The following ADGRF3 variants were observed in gnomAD, a reference collection of about 807,000 sequenced individuals.
ADGRF3 encodes G protein-coupled receptor 113.
In ADGRF3, 85 loss-of-function variants were observed where a neutral mutation model predicts 93.2. The observed-to-expected ratio is 0.91, with a 90% CI of 0.77 to 1.09. The LOEUF (loss-of-function observed/expected upper bound fraction) is 1.09. Among genes scored for constraint, ADGRF3 ranks in the 50% least tolerant of loss-of-function variants. ADGRF3 has a pLI of 0.00. For missense variants in ADGRF3, 1,125 were observed against 1,246.2 expected, an observed-to-expected ratio of 0.90 and a Z score of 1.46; for synonymous variants, 534 against 532.5, an observed-to-expected ratio of 1.00 and a Z score of -0.04.
At chr2:26,344,640 T>C (rs1273411260) in intron 1 of ADGRF3, among the ~76,000 whole-genome samples, 2 of 152,050 alleles carry the variant, frequency 1.3e-5, no homozygotes, top group Admixed American at 6.6e-5. Context: ...GACACTGAAG[T>C]TTATTGGTTG....
chr2:26,335,785 A>G (rs1676005354), intron 1 of ADGRF3, among the ~76,000 whole-genome samples: 2 of 152,198 alleles, frequency 1.3e-5, no homozygotes, highest in Admixed American at 1.3e-4. Context: ...TGCAGTTACA[A>G]AATATGGCTC....
chr2:26,340,226 G>A (rs1031406518), intron 1 of ADGRF3: 5 of 152,130 alleles, frequency 3.3e-5, no homozygotes, highest in Admixed American at 1.3e-4. Context: ...AGGCCACATA[G>A]CCTTAGTTAT....
chr2:26,339,529 C>A (rs1467202541), intron 1 of ADGRF3, among the ~76,000 whole-genome samples: 2 of 152,004 alleles, frequency 1.3e-5, no homozygotes, highest in African/African-American at 4.8e-5. Context: ...AACAAAACAA[C>A]ACACCCCCAA....
rs929543984 is a variant in ADGRF3, at chr2:26,346,475, G to T, written c.-241C>A. 9.6e-6 allele frequency: 6 copies of T among 623,184 alleles called. No individual in the cohort carries two copies. In the African/African-American group the frequency reaches 1.2e-4, roughly 12 times the overall value. 38.6% of individuals were successfully genotyped at this position (623,184 alleles called of 1,614,324 possible). A position where few individuals can be genotyped will look rare whatever the true frequency, so the allele number is the denominator to read the frequency against. Reference sequence around the variant, plus strand: ...GGGAGCGTGGGAGCATCCTAAGCCCGCCGCCCGTAGTCGGCACCCCCCGGG... The same window carrying T: ...GGGAGCGTGGGAGCATCCTAAGCCCTCCGCCCGTAGTCGGCACCCCCCGGG... On this transcript the variant is annotated 5_prime_UTR_variant, in exon 1 of 14. Transcript: ENST00000651242.
rs746240779 is a variant in ADGRF3 at position 26,311,418 on chromosome 2, C to T, written c.2106G>A (p.Leu702=). ...SPHTVPEEPA[L]ALLTQVGLGA... ...CCAAGCCCACTTGAGTCAGCAGCGCCAGAGCGGGTTCTTCCGGAACAGTGT... is the reference window on the plus strand; with the variant it reads ...CCAAGCCCACTTGAGTCAGCAGCGCTAGAGCGGGTTCTTCCGGAACAGTGT... Residue 702 remains leucine (L), a synonymous_variant, in exon 10 of 14, where the codon CTG becomes CTA. Transcript: ENST00000651242. The T allele has an allele frequency of 6.2e-7, 1 of 1,614,064 alleles. No individual in the cohort carries two copies. The highest frequency in any genetic ancestry group is 8.5e-7 in the Non-Finnish European group (1 of 1,179,896).
chr2:26,345,814 C>T, intron 1 of ADGRF3: 1 of 402,176 alleles, frequency 2.5e-6, no homozygotes. Flanking sequence ...GAAATCCCAC[C>T]TTCCCCCGGG....
At chr2:26,318,095 G>C in intron 1 of ADGRF3, 3 of 1,549,812 alleles carry the variant, frequency 1.9e-6, no homozygotes, top group Non-Finnish European at 2.6e-6. Flanking sequence ...TAGAAGATAG[G>C]GGGATGGGGC....
At position 26,313,919 on chromosome 2, in the gene ADGRF3, A is replaced by G; in HGVS notation, c.929-16T>C. 6.2e-7 allele frequency: 1 copy of G among 1,613,712 alleles called. No individual in the cohort carries two copies. The highest frequency in any genetic ancestry group is 8.5e-7 in the Non-Finnish European group (1 of 1,179,820). On this transcript the variant is annotated splice_polypyrimidine_tract_variant and intron_variant, in intron 6 of 13. Coordinates refer to ENST00000651242, the MANE Select transcript of ADGRF3 (RefSeq NM_001321971.2). ...AAGGAGGAAGCTGAAGGCAAAACGA[A>G]GAAGGGAACTGTCATTGGGCCAGGG...
rs545745955 is a variant in ADGRF3, at chr2:26,311,186, A to G, written c.2338T>C (p.Cys780Arg). Residue 780 changes from cysteine to arginine, a missense_variant, in exon 10 of 14, where the codon TGT (cysteine) becomes CGT (arginine). Coordinates refer to ENST00000651242, the MANE Select transcript of ADGRF3 (RefSeq NM_001321971.2). ...AAGGTGGCCAGGTAGAGGAAATGAC[A>G]GAGGAAGGCGGCAGCAAGGCAGAGC... ...SPLCLAAAFL[C>R]HFLYLATFFW... The G allele has an allele frequency of 3.4e-5, 55 of 1,599,488 alleles. No homozygotes were observed. The South Asian group carries it at 5.9e-4, about 17-fold the overall frequency.
At position 26,317,002 on chromosome 2, in the gene ADGRF3, G is replaced by C; in HGVS notation, c.235C>G (p.Pro79Ala). 2 of 1,612,898 alleles carry C rather than the reference G, an allele frequency of 1.2e-6. No individual in the cohort carries two copies. The highest frequency in any genetic ancestry group is 8.5e-7 in the Non-Finnish European group (1 of 1,179,476). Residue 79 changes from proline to alanine, a missense_variant, in exon 3 of 14, where the codon CCC becomes GCC. Coordinates refer to ENST00000651242, the MANE Select transcript of ADGRF3 (RefSeq NM_001321971.2). Reference sequence around the variant, plus strand: ...GTCAGTGTCCTGGAGAGTTCAGGGGGCCAGGTCTTATCTGGAAAGTCCAGA... The same window carrying C: ...GTCAGTGTCCTGGAGAGTTCAGGGGCCCAGGTCTTATCTGGAAAGTCCAGA... ...VHLDFPDKTWPPELSRTLTLP... is the reference protein window; with the variant it reads ...VHLDFPDKTWAPELSRTLTLP...
chr2:26,312,635 G>A (rs966330786), intron 9 of ADGRF3, among the ~76,000 whole-genome samples: 1 of 152,220 alleles, frequency 6.6e-6, no homozygotes, highest in Non-Finnish European at 1.5e-5. Context: ...ATACTTCAGC[G>A]TCTCCATAGA....
At chr2:26,330,982 G>A (rs1222795799) in intron 1 of ADGRF3, among the ~76,000 whole-genome samples, 1 of 152,030 alleles carries the variant, frequency 6.6e-6, no homozygotes, top group Non-Finnish European at 1.5e-5. Context: ...TCTAGAACTG[G>A]GCCCCTGCGT....
chr2:26,309,314 A>G, intron 13 of ADGRF3: 1 of 1,503,028 alleles, frequency 6.7e-7, no homozygotes, highest in South Asian at 1.3e-5. Flanking sequence ...TTGGAAAGCA[A>G]GATAAGGTGC....
chr2:26,320,616 GA>G (rs1162611665), intron 1 of ADGRF3, among the ~76,000 whole-genome samples: 1 of 152,096 alleles, frequency 6.6e-6, no homozygotes, highest in Non-Finnish European at 1.5e-5. Context: ...TATCAAAAGA[GA>G]AAATTTTAAT....
chr2:26,317,100 C>T, intron 2 of ADGRF3, 45 bp from the exon 3 acceptor site: 1 of 1,554,410 alleles, frequency 6.4e-7, no homozygotes, highest in Non-Finnish European at 8.7e-7. Context: ...GCAGCGAGGC[C>T]ACAAGCCGGT....
chr2:26,335,089 C>T (rs1675964207), intron 1 of ADGRF3, among the ~76,000 whole-genome samples: 1 of 152,162 alleles, frequency 6.6e-6, no homozygotes, highest in African/African-American at 2.4e-5. Flanking sequence ...GAGTACATTT[C>T]AATGGTGTTT....
intron 3 of ADGRF3, 130 bp downstream of exon 3, chr2:26,316,782 G>T: frequency 9.8e-7 from 1 of 1,023,570 alleles, no homozygotes. Context: ...GCTGGGCCAC[G>T]GAGACAGAAC....
rs116610085 is a variant in ADGRF3 at position 26,314,736 on chromosome 2, T to G, written c.719-113A>C. 5.0e-3 allele frequency: 4,749 copies of G among 957,182 alleles called. 127 individuals are homozygous for G. The African/African-American group carries it at 0.069, about 14-fold the overall frequency. The allele number at this position is 957,182 out of a possible 1,614,324, so 59.3% of individuals were successfully genotyped here. A position where few individuals can be genotyped will look rare whatever the true frequency, so the allele number is the denominator to read the frequency against. On this transcript the variant is annotated intron_variant, in intron 5 of 13. Coordinates refer to ENST00000651242, the MANE Select transcript of ADGRF3 (RefSeq NM_001321971.2). The stretch of plus-strand genomic sequence containing the variant: ...CTCCTGTCCTCTGCCTGCCACCCAG[T>G]GCTTAACCCCAGCAAGCAAGGTCCC...
At chr2:26,309,682 G>C in intron 12 of ADGRF3, 101 bp from the exon 13 acceptor site, 1 of 1,465,344 alleles carries the variant, frequency 6.8e-7, no homozygotes, top group Non-Finnish European at 9.3e-7. Flanking sequence ...ATGCACTCCT[G>C]CCTGTGCTGC....
Sources: gnomAD v4.1 joint callset for allele counts (sites outside exome capture counted in the v4.1 genomes callset) on GRCh38, gnomAD v4.1.1 for gene constraint, MANE v1.5 for transcripts, NCBI Gene and HGNC (gene_info 2026-07-23, HGNC 2026-07-21) for gene names.